GLIS3: variants seen among roughly 807,000 people sequenced by gnomAD.
GLIS3 encodes zinc finger protein GLIS3.
Under a neutral mutation model 78.6 loss-of-function variants are expected in GLIS3, and 53 were observed. That is an observed-to-expected ratio of 0.67 (90% CI 0.54 to 0.85). The LOEUF (loss-of-function observed/expected upper bound fraction) is 0.85, where lower values mean the gene tolerates loss of function less well. Ranked by LOEUF, GLIS3 falls within the 40% of genes least tolerant of loss-of-function variation. The probability of loss-of-function intolerance (pLI) is 0.00; values close to 1 mark genes in which losing one functional copy is unlikely to be tolerated. For synonymous variants in GLIS3, 684 were observed against 509.9 expected, an observed-to-expected ratio of 1.34 and a Z score of -4.60; for missense variants, 1,703 against 1,231.1, an observed-to-expected ratio of 1.38 and a Z score of -5.74.
intron 2 of GLIS3, among the ~76,000 whole-genome samples, chr9:4,321,455 A>AAAAAAAAAAAAAAAAAAC: frequency 6.9e-6 from 1 of 145,312 alleles, no homozygotes; most frequent in Non-Finnish European, 1.5e-5. Flanking sequence ...AAAAAAAAAA[A>AAAAAAAAAAAAAAAAAAC]AAAAAAAATC....
At chr9:3,901,791 CCTAA>C (rs1365990946) in intron 6 of GLIS3, among the ~76,000 whole-genome samples, 2 of 152,094 alleles carry the variant, frequency 1.3e-5, no homozygotes, top group African/African-American at 2.4e-5. Flanking sequence ...TGTATTAGTG[CCTAA>C]CTAACTCTTT....
chr9:4,210,518 G>A (rs1820284995), intron 2 of GLIS3, among the ~76,000 whole-genome samples: 1 of 152,204 alleles, frequency 6.6e-6, no homozygotes, highest in African/African-American at 2.4e-5. Flanking sequence ...TATCCAGCAA[G>A]CTATTTATGA....
chr9:4,424,708 C>T, the GLIS3 span, among the ~76,000 whole-genome samples: 1 of 152,114 alleles, frequency 6.6e-6, no homozygotes, highest in African/African-American at 2.4e-5. Context: ...TGACTACAGG[C>T]ACTTGCCCTC....
intron 4 of GLIS3, among the ~76,000 whole-genome samples, chr9:3,972,924 G>C (rs1187158399): frequency 2.6e-5 from 4 of 152,228 alleles, no homozygotes; most frequent in East Asian, 1.9e-4. Flanking sequence ...GACGCTGATT[G>C]CAAGAGTTAA....
rs148648529 is a variant in GLIS3, at chr9:4,024,025, C to CAA, written c.1711-86838_1711-86837dup. The stretch of plus-strand genomic sequence containing the variant: ...AGAGGATAAAATTAAGAAGGAAAAA[C>CAA]AAAAAAAAACAAAAAAAAAAATACA... On this transcript the variant is annotated intron_variant, in intron 4 of 10. Coordinates refer to ENST00000381971, the MANE Select transcript of GLIS3 (RefSeq NM_001042413.2). Among the ~76,000 whole-genome samples the CAA allele has an allele frequency of 2.3e-3, 295 of 130,948 alleles. 1 individual carries two copies. The highest frequency in any genetic ancestry group is 3.2e-3 in the Non-Finnish European group (204 of 62,872). The allele number at this position is 130,948 out of a possible 152,430, so 85.9% of individuals were successfully genotyped here.
At chr9:4,305,436 A>AG (rs2130505161) in intron 4 of GLIS3, 1 of 152,380 alleles carries the variant, frequency 6.6e-6, no homozygotes, top group South Asian at 2.1e-4. Context: ...GTGTGAAACC[A>AG]GGGGCATCCC....
At chr9:4,163,474 G>T (rs934669478) in intron 2 of GLIS3, among the ~76,000 whole-genome samples, 1 of 152,210 alleles carries the variant, frequency 6.6e-6, no homozygotes, top group African/African-American at 2.4e-5. Flanking sequence ...AAACTGAGAC[G>T]AAGTCCTCAC....
At chr9:4,285,367 A>C (rs1033590076) in intron 2 of GLIS3, among the ~76,000 whole-genome samples, 2 of 152,192 alleles carry the variant, frequency 1.3e-5, no homozygotes, top group African/African-American at 4.8e-5. Flanking sequence ...TTAAAACACT[A>C]ATGAATTAAA....
intron 2 of GLIS3, among the ~76,000 whole-genome samples, chr9:4,140,772 G>C (rs1437752411): frequency 6.6e-6 from 1 of 150,952 alleles, no homozygotes; most frequent in Non-Finnish European, 1.5e-5. Flanking sequence ...TATTATAAAA[G>C]GGCCAAGAGT....
chr9:4,439,676 G>A, the GLIS3 span, among the ~76,000 whole-genome samples: 2 of 152,120 alleles, frequency 1.3e-5, no homozygotes, highest in African/African-American at 4.8e-5. Context: ...GTTGTTTTTG[G>A]TTTTTGTTCT....
the GLIS3 span, among the ~76,000 whole-genome samples, chr9:4,421,563 T>A: frequency 6.6e-6 from 1 of 152,232 alleles, no homozygotes; most frequent in African/African-American, 2.4e-5. Context: ...AGGCACTCAA[T>A]GGATTTCACC....
At chr9:4,318,003 G>A (rs1481287939) in intron 2 of GLIS3, among the ~76,000 whole-genome samples, 2 of 152,230 alleles carry the variant, frequency 1.3e-5, no homozygotes, top group African/African-American at 4.8e-5. Context: ...GACTTAGAAA[G>A]AACATGTGTA....
intron 4 of GLIS3, chr9:3,975,122 A>G (rs1373045265): frequency 1.1e-4 from 16 of 152,154 alleles, no homozygotes; most frequent in African/African-American, 2.4e-5. Context: ...TATTGTGAAT[A>G]TAGAAACATA....
At chr9:4,195,343 C>G (rs919379839) in intron 2 of GLIS3, among the ~76,000 whole-genome samples, 1 of 152,184 alleles carries the variant, frequency 6.6e-6, no homozygotes, top group African/African-American at 2.4e-5. Context: ...TGCTCGCAGG[C>G]CAGCGCGAGT....
chr9:3,947,371 A>C (rs1321103369), intron 4 of GLIS3, among the ~76,000 whole-genome samples: 1 of 152,274 alleles, frequency 6.6e-6, no homozygotes, highest in Non-Finnish European at 1.5e-5. Flanking sequence ...GGGTTGCAAC[A>C]GAATGTATGC....
intron 1 of GLIS3, among the ~76,000 whole-genome samples, chr9:4,286,944 C>T (rs1327738139): frequency 6.6e-6 from 1 of 152,182 alleles, no homozygotes; most frequent in Non-Finnish European, 1.5e-5. Flanking sequence ...AGTAAACAAC[C>T]ACAAAGCAGA....
chr9:4,151,692 A>G (rs1316440594), intron 2 of GLIS3, among the ~76,000 whole-genome samples: 1 of 152,178 alleles, frequency 6.6e-6, no homozygotes, highest in Admixed American at 6.5e-5. Flanking sequence ...TAAGGAAAAA[A>G]TCTGCCTTCA....
chr9:4,189,346 C>G (rs568418840), intron 2 of GLIS3, among the ~76,000 whole-genome samples: 1 of 152,262 alleles, frequency 6.6e-6, no homozygotes, highest in South Asian at 2.1e-4. Context: ...AGTTTGATTG[C>G]ACTGTGGTCT....
chr9:4,193,362 C>T (rs754696540), intron 2 of GLIS3, among the ~76,000 whole-genome samples: 2 of 152,154 alleles, frequency 1.3e-5, no homozygotes, highest in Admixed American at 6.5e-5. Context: ...TCAATGGCTG[C>T]TATCAGAAAG....
Sources: gnomAD v4.1 joint callset for allele counts (sites outside exome capture counted in the v4.1 genomes callset) on GRCh38, gnomAD v4.1.1 for gene constraint, MANE v1.5 for transcripts, NCBI Gene and HGNC (gene_info 2026-07-23, HGNC 2026-07-21) for gene names.